The following TASP1 variants were observed in gnomAD, a reference collection of about 807,000 sequenced individuals.
TASP1 encodes the protein taspase 1.
Under a neutral mutation model 56.6 loss-of-function variants are expected in TASP1, and 16 were observed. That is an observed-to-expected ratio of 0.28 (90% CI 0.19 to 0.43). The LOEUF (loss-of-function observed/expected upper bound fraction) is 0.43, where lower values mean the gene tolerates loss of function less well. Ranked by LOEUF, TASP1 falls within the 20% of genes least tolerant of loss-of-function variation. The pLI is 1.00. For missense variants in TASP1, 393 were observed against 511.6 expected (o/e 0.77, Z 2.24); for synonymous variants, 179 against 184.2 (o/e 0.97, Z 0.23).
chr20:13,400,337 G>A (rs367713992), intron 13 of TASP1, among the ~76,000 whole-genome samples: 66 of 152,114 alleles, frequency 4.3e-4, no homozygotes, highest in African/African-American at 1.5e-3. Context: ...AAGTAATAAG[G>A]CTTCCGTCTT....
chr20:13,585,118 C>T (rs1337879777), intron 5 of TASP1, among the ~76,000 whole-genome samples: 1 of 152,100 alleles, frequency 6.6e-6, no homozygotes, highest in Non-Finnish European at 1.5e-5. Context: ...AAAAGACTTC[C>T]TTTCAATAGA....
intron 8 of TASP1, among the ~76,000 whole-genome samples, chr20:13,548,401 T>C (rs1177203275): frequency 6.6e-6 from 1 of 151,806 alleles, no homozygotes; most frequent in Non-Finnish European, 1.5e-5. Context: ...AAATGTGTAA[T>C]AGGCAGGAGA....
At chr20:13,205,245 G>A in the TASP1 span, among the ~76,000 whole-genome samples, 2 of 152,040 alleles carry the variant, frequency 1.3e-5, no homozygotes, top group Non-Finnish European at 2.9e-5. Flanking sequence ...CCATTTCTAT[G>A]CCTTGGAGAT....
the TASP1 span, among the ~76,000 whole-genome samples, chr20:13,359,319 C>T: frequency 6.6e-6 from 1 of 151,306 alleles, no homozygotes; most frequent in East Asian, 1.9e-4. Context: ...CTGTGTGGGA[C>T]CCCACTGAAA....
At chr20:13,399,022 C>CAATA (rs1431368181) in intron 13 of TASP1, among the ~76,000 whole-genome samples, 3 of 152,144 alleles carry the variant, frequency 2.0e-5, no homozygotes, top group African/African-American at 7.2e-5. Flanking sequence ...ATGCCAAATC[C>CAATA]AATAGCCTGT....
chr20:13,413,766 G>A (rs1237850986), intron 13 of TASP1, among the ~76,000 whole-genome samples: 1 of 151,990 alleles, frequency 6.6e-6, no homozygotes, highest in Non-Finnish European at 1.5e-5. Flanking sequence ...ATCGTTCCGG[G>A]AAGATCTATA....
chr20:13,118,293 A>T, the TASP1 span, among the ~76,000 whole-genome samples: 1 of 152,098 alleles, frequency 6.6e-6, no homozygotes. Context: ...TCTGCAAAAA[A>T]AATTCTTTCC....
At chr20:13,114,980 G>C in the TASP1 span, among the ~76,000 whole-genome samples, 1 of 152,204 alleles carries the variant, frequency 6.6e-6, no homozygotes, top group Non-Finnish European at 1.5e-5. Flanking sequence ...AATAATTCAA[G>C]TCCCTGCACA....
At chr20:13,329,022 A>T in the TASP1 span, among the ~76,000 whole-genome samples, 1 of 152,266 alleles carries the variant, frequency 6.6e-6, no homozygotes, top group Non-Finnish European at 1.5e-5. Flanking sequence ...AAAATAAAAT[A>T]AAATTGGGTT....
the TASP1 span, chr20:13,110,240 T>A: frequency 1.9e-6 from 3 of 1,602,300 alleles, no homozygotes; most frequent in Non-Finnish European, 2.6e-6. Context: ...CAGGACACAT[T>A]TTACGACTCG....
chr20:13,403,158 T>C (rs2041801003), intron 13 of TASP1, among the ~76,000 whole-genome samples: 1 of 152,198 alleles, frequency 6.6e-6, no homozygotes, highest in African/African-American at 2.4e-5. Context: ...TTTTTTCCTG[T>C]TCTGGGAACT....
intron 11 of TASP1, among the ~76,000 whole-genome samples, chr20:13,460,251 G>C (rs1404592306): frequency 1.3e-5 from 2 of 152,114 alleles, no homozygotes; most frequent in Non-Finnish European, 2.9e-5. Flanking sequence ...GTGCTTTGCT[G>C]CTTTCTAGCA....
At chr20:13,283,824 C>T in the TASP1 span, among the ~76,000 whole-genome samples, 3 of 152,204 alleles carry the variant, frequency 2.0e-5, no homozygotes, top group Admixed American at 2.0e-4. Context: ...TCTAACTGGT[C>T]ATAACCCTAT....
intron 13 of TASP1, among the ~76,000 whole-genome samples, chr20:13,392,340 G>A (rs1425600221): frequency 6.6e-6 from 1 of 152,126 alleles, no homozygotes. Flanking sequence ...CTCAAGGGAA[G>A]CCTTGACCAG....
At chr20:13,528,219 C>CAAAAAAAAAAAAAAAA in intron 10 of TASP1, among the ~76,000 whole-genome samples, 1 of 54,316 alleles carries the variant, frequency 1.8e-5, no homozygotes, top group Non-Finnish European at 3.2e-5. Flanking sequence ...GACTCTGACT[C>CAAAAAAAAAAAAAAAA]AAAAAAAAAA....
the TASP1 span, among the ~76,000 whole-genome samples, chr20:13,343,560 G>GCCGCCCCACCC: frequency 6.6e-6 from 1 of 150,900 alleles, no homozygotes; most frequent in East Asian, 2.0e-4. Flanking sequence ...GCTGGATGGG[G>GCCGCCCCACCC]CCGCCCCACC....
At chr20:13,423,290 CA>C in intron 12 of TASP1, among the ~76,000 whole-genome samples, 1 of 151,730 alleles carries the variant, frequency 6.6e-6, no homozygotes, top group African/African-American at 2.4e-5. Context: ...CAAACAACAA[CA>C]AAAAAAACCC....
At chr20:13,130,827 T>C in the TASP1 span, among the ~76,000 whole-genome samples, 1 of 152,248 alleles carries the variant, frequency 6.6e-6, no homozygotes, top group African/African-American at 2.4e-5. Flanking sequence ...TGAATTATTC[T>C]GGTGTTCCTC....
At chr20:13,492,350 A>C (rs2043563977) in intron 10 of TASP1, among the ~76,000 whole-genome samples, 3 of 152,242 alleles carry the variant, frequency 2.0e-5, no homozygotes, top group African/African-American at 2.4e-5. Context: ...TTGGTACTTC[A>C]GTTTCCAGTA....
Sources: gnomAD v4.1 joint callset for allele counts (sites outside exome capture counted in the v4.1 genomes callset) on GRCh38, gnomAD v4.1.1 for gene constraint, MANE v1.5 for transcripts, NCBI Gene and HGNC (gene_info 2026-07-23, HGNC 2026-07-21) for gene names.